Variants in ANO2 observed in about 807,000 individuals in gnomAD.
The protein encoded by ANO2 is anoctamin-2.
A neutral mutation model predicts 124.2 loss-of-function variants in ANO2; 101 were observed. The observed-to-expected ratio is 0.81, with a 90% CI of 0.69 to 0.96. The LOEUF is 0.96. ANO2 is among the 40% of genes least tolerant of loss of function. The pLI, the probability that ANO2 is intolerant of heterozygous loss-of-function variation, is 0.00. For missense variants in ANO2, 1,293 were observed against 1,274.5 expected (o/e 1.01, Z -0.22); for synonymous variants, 486 against 482.5 (o/e 1.01, Z -0.09).
chr12:5,707,226 T>C (rs1178795754), intron 14 of ANO2, among the ~76,000 whole-genome samples: 1 of 152,180 alleles, frequency 6.6e-6, no homozygotes, highest in East Asian at 1.9e-4. Context: ...CCTGCCGCCA[T>C]ATAAGATGTG....
rs1050115430 is a variant in ANO2, at chr12:5,755,469, G to A, written c.1056-4499C>T. The stretch of plus-strand genomic sequence containing the variant: ...TGTGCACAACGTGCAGGTTTGTTAC[G>A]TATGTATACATGTGCCATGTTCGTG... On this transcript the variant is annotated intron_variant, in intron 10 of 24. Transcript: ENST00000682330. Among the ~76,000 whole-genome samples the A allele has an allele frequency of 1.1e-4, 17 of 150,560 alleles. No individual in the cohort carries two copies. In the East Asian group the frequency reaches 2.0e-3, roughly 17 times the overall value.
At chr12:5,728,556 G>C (rs1224948774) in intron 14 of ANO2, among the ~76,000 whole-genome samples, 1 of 152,060 alleles carries the variant, frequency 6.6e-6, no homozygotes, top group African/African-American at 2.4e-5. Context: ...TGCTAAGATG[G>C]CAATTCTTCC....
intron 11 of ANO2, among the ~76,000 whole-genome samples, chr12:5,750,094 C>T (rs1266424050): frequency 1.3e-5 from 2 of 152,034 alleles, no homozygotes; most frequent in African/African-American, 4.8e-5. Flanking sequence ...CCAAACCAAG[C>T]CCAGCTAAAT....
At chr12:5,717,102 C>T (rs139590049) in intron 14 of ANO2, among the ~76,000 whole-genome samples, 3 of 152,208 alleles carry the variant, frequency 2.0e-5, no homozygotes, top group Non-Finnish European at 2.9e-5. Flanking sequence ...ACCATCCCAC[C>T]GCAAAGGCCA....
intron 23 of ANO2, 140 bp from the exon 24 acceptor site, chr12:5,565,803 G>A (rs1324171165): frequency 3.0e-6 from 2 of 657,014 alleles, no homozygotes; most frequent in Non-Finnish European, 5.1e-6. Flanking sequence ...GGGGGAAGTG[G>A]GGGGAATCTA....
chr12:5,623,279 T>G (rs1945219531), intron 16 of ANO2, among the ~76,000 whole-genome samples: 2 of 152,226 alleles, frequency 1.3e-5, no homozygotes, highest in African/African-American at 4.8e-5. Context: ...CAACCCTCTC[T>G]ATTATTCACG....
intron 3 of ANO2, among the ~76,000 whole-genome samples, chr12:5,874,073 A>G (rs1937925758): frequency 6.6e-6 from 1 of 152,226 alleles, no homozygotes; most frequent in South Asian, 2.1e-4. Flanking sequence ...GAACTCAAAG[A>G]GCTGGACCAG....
intron 10 of ANO2, among the ~76,000 whole-genome samples, chr12:5,773,872 T>G (rs1952153817): frequency 6.6e-6 from 1 of 152,200 alleles, no homozygotes; most frequent in Non-Finnish European, 1.5e-5. Context: ...ATGGCCCTGG[T>G]TCAGGTCCCC....
rs190787952 is a variant in ANO2, at chr12:5,584,947, T to C, written c.2234-6429A>G. Among the ~76,000 whole-genome samples the C allele has an allele frequency of 1.1e-4, 16 of 152,262 alleles. No individual in the cohort carries two copies. In the East Asian group the frequency reaches 3.1e-3, roughly 29 times the overall value. ...ATATACTGGAGACCATGTGCATTGC[T>C]AAATACGAAGATGAGCAGATTACTG... On this transcript the variant is annotated intron_variant, in intron 20 of 24. Transcript: ENST00000682330.
At chr12:5,621,258 T>C (rs909136422) in intron 16 of ANO2, among the ~76,000 whole-genome samples, 3 of 152,204 alleles carry the variant, frequency 2.0e-5, no homozygotes, top group Non-Finnish European at 2.9e-5. Flanking sequence ...CCAGATGTGC[T>C]CTACTATGAA....
intron 14 of ANO2, among the ~76,000 whole-genome samples, chr12:5,704,447 A>G (rs1949525333): frequency 2.0e-5 from 3 of 152,310 alleles, no homozygotes; most frequent in African/African-American, 7.2e-5. Context: ...TGCTGTTTTT[A>G]TAACAATCCT....
intron 16 of ANO2, among the ~76,000 whole-genome samples, chr12:5,615,685 C>T (rs1406920764): frequency 1.3e-5 from 2 of 152,042 alleles, no homozygotes; most frequent in East Asian, 1.9e-4. Context: ...TTTACTTGAA[C>T]CAAGGTCCCT....
intron 14 of ANO2, among the ~76,000 whole-genome samples, chr12:5,670,215 T>C (rs1338419852): frequency 6.6e-6 from 1 of 152,222 alleles, no homozygotes; most frequent in African/African-American, 2.4e-5. Context: ...GTGAGAAATA[T>C]TGTACCCTCT....
chr12:5,754,860 T>C (rs940807102), intron 10 of ANO2, among the ~76,000 whole-genome samples: 2 of 152,140 alleles, frequency 1.3e-5, no homozygotes, highest in African/African-American at 2.4e-5. Context: ...AACAAACTCT[T>C]AGCTTCATCA....
chr12:5,627,261 CT>C (rs979555244), intron 16 of ANO2, among the ~76,000 whole-genome samples: 1 of 152,196 alleles, frequency 6.6e-6, no homozygotes, highest in Non-Finnish European at 1.5e-5. Context: ...AGAATCCCCC[CT>C]GGCCAGACCC....
chr12:5,807,346 G>T lies in ANO2; in HGVS notation c.915C>A (p.Asn305Lys). Residue 305 changes from asparagine to lysine, a missense_variant, in exon 8 of 25, where the codon AAC becomes AAA. Transcript: ENST00000682330. ...NTMGINSLIA[N>K]NIYEAAYPLH... ...GAGGGTAGGCAGCCTCATAGATATTGTTTGCGATCAGAGAGTTAATACCTA... is the reference window on the plus strand; with the variant it reads ...GAGGGTAGGCAGCCTCATAGATATTTTTTGCGATCAGAGAGTTAATACCTA... 6.4e-7 allele frequency: 1 copy of T among 1,557,068 alleles called. No homozygotes were observed. The highest frequency in any genetic ancestry group is 8.7e-7 in the Non-Finnish European group (1 of 1,149,922).
intron 10 of ANO2, among the ~76,000 whole-genome samples, chr12:5,775,436 T>C (rs1687806299): frequency 6.6e-6 from 1 of 151,546 alleles, no homozygotes; most frequent in African/African-American, 2.4e-5. Context: ...AATATCAAGA[T>C]GCATCCTCCT....
At chr12:5,867,932 G>C (rs947356614) in intron 3 of ANO2, among the ~76,000 whole-genome samples, 3 of 152,068 alleles carry the variant, frequency 2.0e-5, no homozygotes, top group African/African-American at 7.2e-5. Flanking sequence ...TAGGGGAGTG[G>C]GCAGGAAGTG....
At position 5,612,662 on chromosome 12, in the gene ANO2, C is replaced by A. The variant is rs779274724; in HGVS notation, c.2081G>T (p.Gly694Val). 2.5e-6 allele frequency: 4 copies of A among 1,613,728 alleles called. No homozygotes were observed. The Admixed American group carries it at 6.7e-5, about 27-fold the overall frequency. ...AGAGGAGTTCATTACATACGGGACT[C>A]CAATCTCAAAGATGTTGTTCTGGAT... ...QLIQNNIFEI[G>V]VPKLKKLFRK... The change falls in exon 19 of 25, where the codon GGA (glycine) becomes GTA (valine). Residue 694 changes from glycine (G) to valine (V), a missense_variant. Physicochemically the swap from Gly to Val is moderately radical, Grantham distance 109. Transcript: ENST00000682330.
Sources: gnomAD v4.1 joint callset for allele counts (sites outside exome capture counted in the v4.1 genomes callset) on GRCh38, gnomAD v4.1.1 for gene constraint, MANE v1.5 for transcripts, NCBI Gene and HGNC (gene_info 2026-07-23, HGNC 2026-07-21) for gene names.